The following MTMR8 variants were observed in gnomAD, a reference collection of about 807,000 sequenced individuals.
MTMR8 encodes myotubularin related protein 8, also known as phosphatidylinositol-3,5-bisphosphate 3-phosphatase MTMR8.
In MTMR8, 65 loss-of-function variants were observed where a neutral mutation model predicts 39.3. The ratio of observed to expected loss-of-function variants is 1.65; its 90% CI spans 1.35 to 2.03. The LOEUF (loss-of-function observed/expected upper bound fraction) is 2.03. MTMR8 is among the 30% of genes most tolerant of loss of function. The probability of loss-of-function intolerance (pLI) is 0.00; values close to 1 mark genes in which losing one functional copy is unlikely to be tolerated. For synonymous variants in MTMR8, 245 were observed against 185.2 expected (o/e 1.32, Z -2.62); for missense variants, 777 against 538.9 (o/e 1.44, Z -4.37).
intron 12 of MTMR8, among the ~76,000 whole-genome samples, chrX:64,309,366 A>C (rs1922225119): frequency 9.0e-6 from 1 of 111,080 alleles, no homozygotes; most frequent in African/African-American, 3.3e-5. Context: ...TGCTAATGTA[A>C]ATGGTATTGT....
Position 64,383,265 on chromosome X carries a change from T to C in MTMR8, c.24+12075A>G, listed in dbSNP as rs188516623. On this transcript the variant is annotated intron_variant, in intron 1 of 13. Transcript: ENST00000374852. ...GCTAGGAAGGCATTCATTTCCAGCA[T>C]AGAGCCATCCTTGCTGGAGGCATAT... Among the ~76,000 whole-genome samples the C allele has an allele frequency of 2.1e-3, 234 of 110,308 alleles. 1 individual carries two copies. The highest frequency in any genetic ancestry group is 7.2e-3 in the African/African-American group (218 of 30,373).
chrX:64,275,841 A>G (rs1219541437), intron 12 of MTMR8, among the ~76,000 whole-genome samples: 2 of 111,238 alleles, frequency 1.8e-5, no homozygotes, highest in African/African-American at 6.5e-5. Context: ...ACAACAATGT[A>G]CCAATAAATT....
Position 64,352,408 on chromosome X carries a change from A to G in MTMR8, c.469-2338T>C, listed in dbSNP as rs148028012. On this transcript the variant is annotated intron_variant, in intron 4 of 13. Coordinates refer to ENST00000374852, the MANE Select transcript of MTMR8 (RefSeq NM_017677.4). ...TAAGTATGACTATACACCGAGTCCTATGAATTTTCCTAGTAAATCACAAAA... is the reference window on the plus strand; with the variant it reads ...TAAGTATGACTATACACCGAGTCCTGTGAATTTTCCTAGTAAATCACAAAA... Among the ~76,000 whole-genome samples, 675 of 111,662 alleles carry G rather than the reference A, an allele frequency of 6.0e-3. 2 individuals carry two copies. The highest frequency in any genetic ancestry group is 9.2e-3 in the Non-Finnish European group (487 of 53,086).
chrX:64,281,106 G>A (rs771579105), intron 12 of MTMR8, among the ~76,000 whole-genome samples: 12 of 111,574 alleles, frequency 1.1e-4, no homozygotes, highest in Non-Finnish European at 2.1e-4. Context: ...TCAGTATCAC[G>A]AAAATGGCCA....
At chrX:64,386,038 G>A (rs1038001738) in intron 1 of MTMR8, among the ~76,000 whole-genome samples, 2 of 110,683 alleles carry the variant, frequency 1.8e-5, no homozygotes, top group African/African-American at 6.6e-5. Flanking sequence ...CTGAAAACAG[G>A]AGACTCCAAT....
chrX:64,379,510 C>A (rs1012712507), intron 1 of MTMR8, among the ~76,000 whole-genome samples: 33 of 111,409 alleles, frequency 3.0e-4, no homozygotes, highest in African/African-American at 9.1e-4. Context: ...TCAGCAGAAC[C>A]GATTCCTTCT....
chrX:64,304,177 G>T (rs1191430563), intron 12 of MTMR8, among the ~76,000 whole-genome samples: 1 of 112,032 alleles, frequency 8.9e-6, no homozygotes, highest in African/African-American at 3.2e-5. Context: ...AAACTTACAG[G>T]GGCGGGGAGG....
At chrX:64,295,031 C>T (rs1394361476) in intron 12 of MTMR8, among the ~76,000 whole-genome samples, 1 of 110,900 alleles carries the variant, frequency 9.0e-6, no homozygotes, top group African/African-American at 3.3e-5. Flanking sequence ...CAACCTCCCA[C>T]ACTGGTAAAG....
chrX:64,321,845 T>C (rs1044080987), intron 12 of MTMR8, among the ~76,000 whole-genome samples: 1 of 111,824 alleles, frequency 8.9e-6, no homozygotes, highest in African/African-American at 3.2e-5. Flanking sequence ...CCATACATAA[T>C]TCGTTAAGTT....
intron 10 of MTMR8, among the ~76,000 whole-genome samples, chrX:64,335,700 T>C (rs904747921): frequency 8.9e-6 from 1 of 111,860 alleles, no homozygotes. Flanking sequence ...CATCATTCCC[T>C]TGTTCTTCCT....
chrX:64,284,069 A>C (rs1921060690), intron 12 of MTMR8, among the ~76,000 whole-genome samples: 1 of 111,854 alleles, frequency 8.9e-6, no homozygotes, highest in Admixed American at 9.5e-5. Flanking sequence ...GAAGTTAAAA[A>C]CACTGAAAAC....
At chrX:64,319,703 C>A (rs1922576269) in intron 12 of MTMR8, among the ~76,000 whole-genome samples, 1 of 111,258 alleles carries the variant, frequency 9.0e-6, no homozygotes, top group Non-Finnish European at 1.9e-5. Flanking sequence ...TGTCAAAAAT[C>A]AGATAGTTGT....
At chrX:64,314,557 C>T (rs1213111213) in intron 12 of MTMR8, among the ~76,000 whole-genome samples, 1 of 113,026 alleles carries the variant, frequency 8.8e-6, no homozygotes, top group Non-Finnish European at 1.9e-5. Flanking sequence ...GGCGGAACTG[C>T]CTGGCTTTGT....
intron 12 of MTMR8, among the ~76,000 whole-genome samples, chrX:64,276,509 A>ACCCAGTAGT (rs945049793): frequency 2.7e-5 from 3 of 111,726 alleles, no homozygotes; most frequent in Non-Finnish European, 3.8e-5. Flanking sequence ...TTCAATAATT[A>ACCCAGTAGT]CCCAGTAGTC....
chrX:64,268,586 C>G lies in MTMR8; in HGVS notation c.2066G>C (p.Gly689Ala). 1 of 1,210,587 alleles carries G rather than the reference C, an allele frequency of 8.3e-7. No homozygotes were observed. The highest frequency in any genetic ancestry group is 1.1e-6 in the Non-Finnish European group (1 of 895,075). ...CTCCTTGGTGCTGGCCTTGGAGATGCCTGTGTCCCCCAAGATGCCCATGTC... is the reference window on the plus strand; with the variant it reads ...CTCCTTGGTGCTGGCCTTGGAGATGGCTGTGTCCCCCAAGATGCCCATGTC... ...SGDMGILGDT[G>A]ISKASTKEAD... Residue 689 changes from glycine (G) to alanine (A), a missense_variant, in exon 14 of 14, where the codon GGC becomes GCC. Coordinates refer to ENST00000374852, the MANE Select transcript of MTMR8 (RefSeq NM_017677.4).
chrX:64,296,612 G>A (rs2147195627), intron 12 of MTMR8, among the ~76,000 whole-genome samples: 1 of 104,213 alleles, frequency 9.6e-6, no homozygotes, highest in African/African-American at 3.5e-5. Context: ...TAAGTTTTAG[G>A]GTACATGTGC....
chrX:64,301,297 A>T (rs1207009052), intron 12 of MTMR8, among the ~76,000 whole-genome samples: 6 of 105,536 alleles, frequency 5.7e-5, no homozygotes, highest in Non-Finnish European at 1.2e-4. Context: ...TTTTTCTCTA[A>T]ACTTCCCTTC....
intron 12 of MTMR8, among the ~76,000 whole-genome samples, chrX:64,281,201 A>C (rs770208511): frequency 4.5e-4 from 50 of 111,770 alleles, no homozygotes; most frequent in Non-Finnish European, 8.7e-4. Flanking sequence ...ATAACTACTT[A>C]AAAATTAATA....
At chrX:64,373,380 G>C (rs990039454) in intron 1 of MTMR8, among the ~76,000 whole-genome samples, 9 of 111,217 alleles carry the variant, frequency 8.1e-5, no homozygotes, top group African/African-American at 2.6e-4. Context: ...CATGAGATCT[G>C]GTTGTTTAAA....
Sources: allele counts gnomAD v4.1 joint callset (sites outside exome capture counted in the v4.1 genomes callset), GRCh38; gene constraint gnomAD v4.1.1; transcripts MANE v1.5; gene names NCBI Gene and HGNC (gene_info 2026-07-23, HGNC 2026-07-21).